Variants in TSC22D1 observed in about 807,000 individuals in gnomAD.
The protein encoded by TSC22D1 is TSC22 domain family member 1.
TSC22D1 carries 9 observed loss-of-function variants against 74.2 expected under a neutral mutation model. The observed-to-expected ratio is 0.12, with a 90% CI of 0.07 to 0.21. The LOEUF (loss-of-function observed/expected upper bound fraction) is 0.21. Ranked by LOEUF, TSC22D1 falls within the 10% of genes least tolerant of loss-of-function variation. The pLI is 1.00. For synonymous variants in TSC22D1, 586 were observed against 492.5 expected (o/e 1.19, Z -2.51); for missense variants, 1,427 against 1,304.7 (o/e 1.09, Z -1.44).
chr13:44,558,615 C>T (rs962755458), intron 1 of TSC22D1, among the ~76,000 whole-genome samples: 5 of 152,100 alleles, frequency 3.3e-5, no homozygotes, highest in African/African-American at 1.2e-4. Context: ...TGCCACATGC[C>T]TGTAATCCCA....
rs139749404 is a variant in TSC22D1 at position 44,570,637 on chromosome 13, A to G, written c.2912+2526T>C. Reference sequence around the variant, plus strand: ...AAACATTTTATAATCTAAAGTGTTAAGAGTATTATTTCAAAAGATGATTAA... The same window carrying G: ...AAACATTTTATAATCTAAAGTGTTAGGAGTATTATTTCAAAAGATGATTAA... On this transcript the variant is annotated intron_variant, in intron 1 of 2. Coordinates refer to ENST00000458659, the MANE Select transcript of TSC22D1 (RefSeq NM_183422.4). 8.8e-4 allele frequency among the ~76,000 whole-genome samples: 134 copies of G among 152,328 alleles called. 1 individual carries two copies. Among genetic ancestry groups the G allele is most frequent in the African/African-American group, 3.1e-3 (128 of 41,568 alleles).
intron 1 of TSC22D1, chr13:44,538,814 A>AT: frequency 1.0e-6 from 1 of 985,422 alleles, no homozygotes; most frequent in East Asian, 1.1e-4. Context: ...TGTGTGACAG[A>AT]TATCATCCAT....
At chr13:44,457,420 A>T (rs1482122988) in intron 1 of TSC22D1, among the ~76,000 whole-genome samples, 2 of 152,324 alleles carry the variant, frequency 1.3e-5, no homozygotes, top group African/African-American at 4.8e-5. Flanking sequence ...GCCAGAAATA[A>T]GGCATTTTGA....
At chr13:44,517,753 ATG>A (rs376768692) in intron 1 of TSC22D1, among the ~76,000 whole-genome samples, 104 of 49,278 alleles carry the variant, frequency 2.1e-3, no homozygotes, top group Non-Finnish European at 3.5e-3. Context: ...ATACGTATAT[ATG>A]TGTGTGTGTA....
intron 1 of TSC22D1, among the ~76,000 whole-genome samples, chr13:44,569,034 C>T (rs1883568583): frequency 6.6e-6 from 1 of 152,058 alleles, no homozygotes; most frequent in South Asian, 2.1e-4. Context: ...CATTTTCTAT[C>T]CAGGAAGTTA....
intron 1 of TSC22D1, among the ~76,000 whole-genome samples, chr13:44,493,470 C>A (rs989979993): frequency 6.6e-6 from 1 of 152,138 alleles, no homozygotes; most frequent in Non-Finnish European, 1.5e-5. Context: ...ATGAACAAAC[C>A]ACCGTCACCT....
intron 1 of TSC22D1, among the ~76,000 whole-genome samples, chr13:44,473,427 C>T (rs776892429): frequency 6.6e-6 from 1 of 151,902 alleles, no homozygotes; most frequent in Non-Finnish European, 1.5e-5. Flanking sequence ...CCCAGGAGGT[C>T]GAGGTTGCAG....
chr13:44,563,989 A>G (rs1224567366), intron 1 of TSC22D1, among the ~76,000 whole-genome samples: 1 of 152,220 alleles, frequency 6.6e-6, no homozygotes, highest in Admixed American at 6.5e-5. Context: ...CTTGGGGACA[A>G]GAACCATATT....
chr13:44,439,190 ATACTTGGAT>A, intron 1 of TSC22D1, among the ~76,000 whole-genome samples: 1 of 152,250 alleles, frequency 6.6e-6, no homozygotes, highest in Non-Finnish European at 1.5e-5. Context: ...GTTATTGTTA[ATACTTGGAT>A]ATTTTAAATA....
chr13:44,495,463 T>C (rs1199317651), intron 1 of TSC22D1, among the ~76,000 whole-genome samples: 12 of 152,098 alleles, frequency 7.9e-5, no homozygotes, highest in Admixed American at 5.9e-4. Context: ...CACAAAGCCA[T>C]ACAAAGAAAT....
At chr13:44,512,657 C>CTCTTT (rs35496155) in intron 1 of TSC22D1, among the ~76,000 whole-genome samples, 2 of 151,310 alleles carry the variant, frequency 1.3e-5, no homozygotes, top group African/African-American at 2.4e-5. Context: ...TAAAAGCAAT[C>CTCTTT]TTTTTTGTTT....
chr13:44,492,151 CCATCAT>C (rs1878756287), intron 1 of TSC22D1, among the ~76,000 whole-genome samples: 1 of 150,156 alleles, frequency 6.7e-6, no homozygotes, highest in African/African-American at 2.5e-5. Context: ...TCTTATAAAC[CCATCAT>C]ATGTTAAAAA....
At chr13:44,572,556 C>T (rs763663383) in intron 1 of TSC22D1, among the ~76,000 whole-genome samples, 6 of 152,132 alleles carry the variant, frequency 3.9e-5, no homozygotes, top group Non-Finnish European at 8.8e-5. Flanking sequence ...TCCTCCTTTC[C>T]CACAAAATAA....
At chr13:44,461,777 C>T (rs545728155) in intron 1 of TSC22D1, among the ~76,000 whole-genome samples, 24 of 152,230 alleles carry the variant, frequency 1.6e-4, no homozygotes, top group East Asian at 1.5e-3. Context: ...AAATTCACCC[C>T]ACAGCACATG....
At chr13:44,549,031 G>A (rs1882018036) in intron 1 of TSC22D1, among the ~76,000 whole-genome samples, 1 of 152,036 alleles carries the variant, frequency 6.6e-6, no homozygotes, top group Non-Finnish European at 1.5e-5. Flanking sequence ...TCTGCTTAAA[G>A]ACCCAGAGAA....
intron 1 of TSC22D1, chr13:44,537,474 A>G: frequency 2.0e-6 from 2 of 985,134 alleles, no homozygotes; most frequent in Non-Finnish European, 2.4e-6. Context: ...CTGAAACAAA[A>G]AGCTTATAAT....
intron 1 of TSC22D1, among the ~76,000 whole-genome samples, chr13:44,458,068 G>C (rs1374517875): frequency 2.0e-5 from 3 of 152,208 alleles, no homozygotes; most frequent in African/African-American, 7.2e-5. Context: ...TTTTGAAACA[G>C]ATAGGTGAAA....
intron 1 of TSC22D1, among the ~76,000 whole-genome samples, chr13:44,532,080 T>C (rs1880869845): frequency 6.6e-6 from 1 of 152,202 alleles, no homozygotes; most frequent in Non-Finnish European, 1.5e-5. Flanking sequence ...CAATTTAATA[T>C]ACAATTTAAA....
chr13:44,504,114 A>G (rs1879331332), intron 1 of TSC22D1, among the ~76,000 whole-genome samples: 1 of 151,732 alleles, frequency 6.6e-6, no homozygotes, highest in Non-Finnish European at 1.5e-5. Context: ...AGACCCATCA[A>G]AGCCCCTGTA....
Sources: gnomAD v4.1 joint callset for allele counts (sites outside exome capture counted in the v4.1 genomes callset) on GRCh38, gnomAD v4.1.1 for gene constraint, MANE v1.5 for transcripts, NCBI Gene and HGNC (gene_info 2026-07-23, HGNC 2026-07-21) for gene names.